TSKU: variants seen among roughly 807,000 people sequenced by gnomAD.
TSKU encodes the protein tsukushi, small leucine rich proteoglycan, also known as tsukushi.
In TSKU, 4 loss-of-function variants were observed where a neutral mutation model predicts 11.2. The ratio of observed to expected loss-of-function variants is 0.36; its 90% CI spans 0.18 to 0.82. The LOEUF (loss-of-function observed/expected upper bound fraction) is 0.82, where lower values mean the gene tolerates loss of function less well. Among genes scored for constraint, TSKU ranks in the 40% least tolerant of loss-of-function variants. The pLI is 0.50. For missense variants in TSKU, 407 were observed against 482.5 expected, an observed-to-expected ratio of 0.84 and a Z score of 1.47; for synonymous variants, 220 against 232.2, an observed-to-expected ratio of 0.95 and a Z score of 0.48.
rs775952990 is a variant in TSKU at position 76,796,387 on chromosome 11, G to A, written c.771G>A (p.Gln257=). 1.9e-6 allele frequency: 3 copies of A among 1,613,474 alleles called. No individual in the cohort carries two copies. The highest frequency in any genetic ancestry group is 1.7e-5 in the Admixed American group (1 of 60,032). Residue 257 remains glutamine (Q), a synonymous_variant, in exon 2 of 2, where the codon CAG becomes CAA. Transcript: ENST00000333090. This position sits in a 1 kb window ranked among gnomAD's most constrained non-coding sequence, Gnocchi z 4.1. ...PSGFRELPGL[Q]VLDLSGNPKL... is the part of the protein sequence containing the mutation. ...GCTTCCGTGAGCTACCGGGCCTGCAGGTCCTGGACCTGTCGGGCAACCCCA... is the reference window on the plus strand; with the variant it reads ...GCTTCCGTGAGCTACCGGGCCTGCAAGTCCTGGACCTGTCGGGCAACCCCA...
intron 1 of TSKU, among the ~76,000 whole-genome samples, chr11:76,784,963 T>C (rs1237324157): frequency 6.6e-6 from 1 of 152,222 alleles, no homozygotes; most frequent in Non-Finnish European, 1.5e-5. Flanking sequence ...CAGTTTCCCT[T>C]CTGGAAGGGG....
At chr11:76,795,060 T>C (rs947825021) in intron 1 of TSKU, among the ~76,000 whole-genome samples, 3 of 152,324 alleles carry the variant, frequency 2.0e-5, no homozygotes, top group African/African-American at 2.4e-5. Flanking sequence ...GATGCGACCA[T>C]GCTGTGGGGC....
intron 1 of TSKU, among the ~76,000 whole-genome samples, chr11:76,784,750 G>GC (rs1186462850): frequency 2.2e-5 from 3 of 139,006 alleles, no homozygotes; most frequent in Non-Finnish European, 4.5e-5. Flanking sequence ...CGGAGGTGGG[G>GC]GGGGGGGGGT....
Position 76,795,673 on chromosome 11 carries a change from A to G in TSKU, c.57A>G (p.Pro19=), listed in dbSNP as rs1276162297. The change falls in exon 2 of 2, where the codon CCA becomes CCG. Residue 19 remains proline (P), a synonymous_variant. Transcript: ENST00000333090. Reference sequence around the variant, plus strand: ...TGAGTGGGGCCCAGACAACCCGGCCATGCTTCCCCGGGTGCCAATGCGAGG... The same window carrying G: ...TGAGTGGGGCCCAGACAACCCGGCCGTGCTTCCCCGGGTGCCAATGCGAGG... ...LAVSGAQTTR[P]CFPGCQCEVE... 1 of 1,613,926 alleles carries G rather than the reference A, an allele frequency of 6.2e-7. No homozygotes were observed. The highest frequency in any genetic ancestry group is 1.7e-5 in the Admixed American group (1 of 60,022).
Position 76,795,669 on chromosome 11 carries a change from G to A in TSKU, c.53G>A (p.Arg18Gln), listed in dbSNP as rs61895474. Reference protein sequence around the residue: ...LLAVSGAQTTRPCFPGCQCEV... With the variant: ...LLAVSGAQTTQPCFPGCQCEV... ...GCCGTGAGTGGGGCCCAGACAACCC[G>A]GCCATGCTTCCCCGGGTGCCAATGC... The change falls in exon 2 of 2, where the codon CGG becomes CAG. Residue 18 changes from arginine (R) to glutamine (Q), a missense_variant. Transcript: ENST00000333090. 7.4e-6 allele frequency: 12 copies of A among 1,613,866 alleles called. No individual in the cohort carries two copies. Among genetic ancestry groups the A allele is most frequent in the South Asian group, 1.1e-5 (1 of 91,080 alleles).
chr11:76,783,733 C>T (rs1006455796), intron 1 of TSKU, among the ~76,000 whole-genome samples: 2 of 152,224 alleles, frequency 1.3e-5, no homozygotes, highest in South Asian at 4.1e-4. Context: ...CTTTGTGTGT[C>T]CGTGGCTTTG....
In TSKU at chr11:76,795,687, G is replaced by A. The variant is rs1482005539; in HGVS notation, c.71G>A (p.Cys24Tyr). Residue 24 changes from cysteine to tyrosine, a missense_variant, in exon 2 of 2, where the codon TGC becomes TAC. Cys to Tyr is a radical substitution (Grantham distance 194, BLOSUM62 -2). Coordinates refer to ENST00000333090, the MANE Select transcript of TSKU (RefSeq NM_015516.4). ...ACAACCCGGCCATGCTTCCCCGGGT[G>A]CCAATGCGAGGTGGAGACCTTCGGC... is the stretch of plus-strand genomic sequence containing the variant. ...AQTTRPCFPGCQCEVETFGLF... is the reference protein window; with the variant it reads ...AQTTRPCFPGYQCEVETFGLF... The A allele has an allele frequency of 6.2e-7, 1 of 1,614,086 alleles. No individual in the cohort carries two copies. Among genetic ancestry groups the A allele is most frequent in the Non-Finnish European group, 8.5e-7 (1 of 1,180,042 alleles).
Position 76,795,724 on chromosome 11 carries a change from C to T in TSKU, c.108C>T (p.Ser36=), listed in dbSNP as rs369180930. 2 of 1,614,228 alleles carry T rather than the reference C, an allele frequency of 1.2e-6. No individual in the cohort carries two copies. Among genetic ancestry groups the T allele is most frequent in the East Asian group, 2.2e-5 (1 of 44,892 alleles). Residue 36 remains serine (S), a synonymous_variant, in exon 2 of 2, where the codon AGC becomes AGT. Coordinates refer to ENST00000333090, the MANE Select transcript of TSKU (RefSeq NM_015516.4). ...TGGAGACCTTCGGCCTTTTCGACAG[C>T]TTCAGCCTGACTCGGGTGGATTGTA... is the stretch of plus-strand genomic sequence containing the variant. ...CEVETFGLFD[S]FSLTRVDCSG...
At chr11:76,786,951 G>A (rs1188963927) in intron 1 of TSKU, among the ~76,000 whole-genome samples, 1 of 152,164 alleles carries the variant, frequency 6.6e-6, no homozygotes, top group African/African-American at 2.4e-5. Context: ...CTCAGGATTT[G>A]CTGGTGTCAC....
chr11:76,785,733 C>T (rs1343820628), intron 1 of TSKU, among the ~76,000 whole-genome samples: 1 of 152,122 alleles, frequency 6.6e-6, no homozygotes, highest in African/African-American at 2.4e-5. Flanking sequence ...AGGATTTAAA[C>T]AGGCACAGCA....
At chr11:76,792,168 C>G (rs1252853879) in intron 1 of TSKU, 1 of 152,240 alleles carries the variant, frequency 6.6e-6, no homozygotes, top group African/African-American at 2.4e-5. Flanking sequence ...CAAAGGAGAT[C>G]ATTTTGGAAC....
chr11:76,791,079 CAA>C (rs1273878460), intron 1 of TSKU, among the ~76,000 whole-genome samples: 1 of 152,114 alleles, frequency 6.6e-6, no homozygotes, highest in Non-Finnish European at 1.5e-5. Flanking sequence ...TATGTTTTAG[CAA>C]AGAGATGGCA....
chr11:76,791,429 C>A, intron 1 of TSKU, among the ~76,000 whole-genome samples: 1 of 152,128 alleles, frequency 6.6e-6, no homozygotes, highest in Non-Finnish European at 1.5e-5. Context: ...CTTCTCATCA[C>A]AGGCCTGGAG....
chr11:76,796,287 C>A lies in TSKU; in HGVS notation c.671C>A (p.Ala224Asp), dbSNP rs769827519. The A allele has an allele frequency of 1.5e-5, 24 of 1,613,302 alleles. No homozygotes were observed. The Admixed American group carries it at 3.5e-4, about 24-fold the overall frequency. ...CCTCTAGCTGTCATTGGTCCGGGTG[C>A]CTTCGCGGGGCTGGGAGGCCTTACA... ...GNPLAVIGPG[A>D]FAGLGGLTHL... Residue 224 changes from alanine (A) to aspartate (D), a missense_variant, in exon 2 of 2, where the codon GCC (alanine) becomes GAC (aspartate). Ala to Asp is a moderately radical substitution (Grantham distance 126). Coordinates refer to ENST00000333090, the MANE Select transcript of TSKU (RefSeq NM_015516.4). The surrounding 1 kb of genome is among the most constrained non-coding windows in gnomAD (Gnocchi z 4.1).
At chr11:76,786,437 G>A (rs1944313118) in intron 1 of TSKU, among the ~76,000 whole-genome samples, 4 of 152,212 alleles carry the variant, frequency 2.6e-5, no homozygotes, top group Admixed American at 2.0e-4. Flanking sequence ...CTTTGCATCA[G>A]AGGGAACAAC....
At chr11:76,789,538 G>A (rs1402874225) in intron 1 of TSKU, among the ~76,000 whole-genome samples, 2 of 152,192 alleles carry the variant, frequency 1.3e-5, no homozygotes, top group African/African-American at 4.8e-5. Flanking sequence ...CTGTGGACCT[G>A]GCCCTGTGGG....
chr11:76,795,610 C>A lies in TSKU; in HGVS notation c.-7C>A. 6.2e-7 allele frequency: 1 copy of A among 1,607,718 alleles called. No homozygotes were observed. The highest frequency in any genetic ancestry group is 1.1e-5 in the South Asian group (1 of 90,980). ...CCTCACCTGTGGCTCTCTTTCTAGC[C>A]CCCACCATGCCGTGGCCCCTGCTGC... On this transcript the variant is annotated splice_region_variant and 5_prime_UTR_variant, in exon 2 of 2. Coordinates refer to ENST00000333090, the MANE Select transcript of TSKU (RefSeq NM_015516.4).
rs763707364 is a variant in TSKU at position 76,795,654 on chromosome 11, G to A, written c.38G>A (p.Gly13Glu). ...WPLLLLLAVS[G>E]AQTTRPCFPG... ...CTGCTGCTGCTGCTGGCCGTGAGTGGGGCCCAGACAACCCGGCCATGCTTC... is the reference window on the plus strand; with the variant it reads ...CTGCTGCTGCTGCTGGCCGTGAGTGAGGCCCAGACAACCCGGCCATGCTTC... Residue 13 changes from glycine (G) to glutamate (E), a missense_variant, in exon 2 of 2, where the codon GGG (glycine) becomes GAG (glutamate). Gly to Glu is a moderately conservative substitution (Grantham distance 98). Coordinates refer to ENST00000333090, the MANE Select transcript of TSKU (RefSeq NM_015516.4). 4 of 1,613,382 alleles carry A rather than the reference G, an allele frequency of 2.5e-6. No individual in the cohort carries two copies. The highest frequency in any genetic ancestry group is 3.4e-6 in the Non-Finnish European group (4 of 1,179,958).
rs1222007819 is a variant in TSKU, at chr11:76,796,551, A to G, written c.935A>G (p.Gln312Arg). The G allele has an allele frequency of 6.3e-6, 10 of 1,598,850 alleles. No homozygotes were observed. The highest frequency in any genetic ancestry group is 8.5e-6 in the Non-Finnish European group (10 of 1,171,616). The change falls in exon 2 of 2, where the codon CAG becomes CGG. Residue 312 changes from glutamine (Q) to arginine (R), a missense_variant. Transcript: ENST00000333090. This position sits in a 1 kb window ranked among gnomAD's most constrained non-coding sequence, Gnocchi z 4.1. ...LPALQSVSVG[Q>R]DVRCRRLVRE... ...GCACTGCAGAGCGTCAGCGTGGGCC[A>G]GGATGTGCGGTGCCGGCGCCTGGTG... is the stretch of plus-strand genomic sequence containing the variant.
Sources: gnomAD v4.1 joint callset for allele counts (sites outside exome capture counted in the v4.1 genomes callset) on GRCh38, gnomAD v4.1.1 for gene constraint, Gnocchi (gnomAD v3.1) non-coding constraint, MANE v1.5 for transcripts, NCBI Gene and HGNC (gene_info 2026-07-23, HGNC 2026-07-21) for gene names.